Variants in TRIP12 observed in about 807,000 individuals in gnomAD.
TRIP12 encodes E3 ubiquitin-protein ligase TRIP12.
A neutral mutation model predicts 244.2 loss-of-function variants in TRIP12; 25 were observed. The observed-to-expected ratio is 0.10, with a 90% confidence interval of 0.07 to 0.14. The LOEUF (loss-of-function observed/expected upper bound fraction) is 0.14. Among genes scored for constraint, TRIP12 ranks in the 10% least tolerant of loss-of-function variants. The probability of loss-of-function intolerance (pLI) is 1.00; values close to 1 mark genes in which losing one functional copy is unlikely to be tolerated. For missense variants in TRIP12, 1,677 were observed against 2,486.4 expected (o/e 0.67, Z 6.92); for synonymous variants, 905 against 873.1 (o/e 1.04, Z -0.64).
chr2:229,811,048 T>C lies in TRIP12; in HGVS notation c.2056-3A>G. 6.2e-7 allele frequency: 1 copy of C among 1,613,808 alleles called. No homozygotes were observed. Among genetic ancestry groups the C allele is most frequent in the South Asian group, 1.1e-5 (1 of 90,994 alleles). On this transcript the variant is annotated splice_polypyrimidine_tract_variant and splice_region_variant and intron_variant, in intron 14 of 41. Transcript: ENST00000675903. Reference sequence around the variant, plus strand: ...GAAGCAACCTGCTGGAGTAAATTCTTCACAAACACAAGAATAAAGGAATTA... The same window carrying C: ...GAAGCAACCTGCTGGAGTAAATTCTCCACAAACACAAGAATAAAGGAATTA...
intron 13 of TRIP12, among the ~76,000 whole-genome samples, chr2:229,813,311 C>T (rs1357212293): frequency 1.3e-5 from 2 of 152,066 alleles, no homozygotes; most frequent in African/African-American, 4.8e-5. Flanking sequence ...ACAAAGCCAT[C>T]CCTTAAAAGT....
At chr2:229,803,837 T>C in intron 19 of TRIP12, 148 bp from the exon 20 acceptor site, 1 of 859,308 alleles carries the variant, frequency 1.2e-6, no homozygotes, top group Non-Finnish European at 1.8e-6. Context: ...AAGTTTTATA[T>C]TTTATAAAAG....
Position 229,808,326 on chromosome 2 carries a change from A to G in TRIP12, c.2265T>C (p.Asn755=). ...TLHFLLCGAS[N]GSCQEQIDLV... ...GATCAATCTGTTCCTGACAACTTCCATTGGAGGCACCACACAGGAGAAAGT... is the reference window on the plus strand; with the variant it reads ...GATCAATCTGTTCCTGACAACTTCCGTTGGAGGCACCACACAGGAGAAAGT... Residue 755 remains asparagine (N), a synonymous_variant, in exon 16 of 42, where the codon AAT becomes AAC. Transcript: ENST00000675903. The G allele has an allele frequency of 6.2e-7, 1 of 1,613,852 alleles. No individual in the cohort carries two copies. The highest frequency in any genetic ancestry group is 8.5e-7 in the Non-Finnish European group (1 of 1,180,018).
At chr2:229,910,501 C>T (rs763300496) in intron 1 of TRIP12, among the ~76,000 whole-genome samples, 5 of 152,088 alleles carry the variant, frequency 3.3e-5, no homozygotes, top group Non-Finnish European at 5.9e-5. Flanking sequence ...AACTGAGTAT[C>T]AATTAAAACA....
At chr2:229,787,396 T>C (rs944918703) in intron 33 of TRIP12, 109 bp downstream of exon 33, 6 of 1,157,444 alleles carry the variant, frequency 5.2e-6, no homozygotes, top group East Asian at 2.6e-5. Context: ...TAGCTGAATA[T>C]GACCAAGGCC....
rs201587871 is a variant in TRIP12, at chr2:229,859,235, A to C, written c.564T>G (p.Ser188Arg). ...AACTCTCTGTCCTTTTTCTTTTCTG[A>C]CTCCGTGAACCGCCAGTGGCCCCAC... is the stretch of plus-strand genomic sequence containing the variant. Reference protein sequence around the residue: ...RKSGATGGSRSQKRKRTESSC... With the variant: ...RKSGATGGSRRQKRKRTESSC... The change falls in exon 4 of 42, where the codon AGT (serine) becomes AGG (arginine). Residue 188 changes from serine (S) to arginine (R), a missense_variant. This residue lies in a region of TRIP12 where 387 missense variants were observed against 392.6 expected (regional missense o/e 0.99). Transcript: ENST00000675903. 6.2e-7 allele frequency: 1 copy of C among 1,613,450 alleles called. No homozygotes were observed. Among genetic ancestry groups the C allele is most frequent in the Non-Finnish European group, 8.5e-7 (1 of 1,179,920 alleles).
chr2:229,772,133 A>G (rs1473957028), intron 38 of TRIP12, among the ~76,000 whole-genome samples: 1 of 152,244 alleles, frequency 6.6e-6, no homozygotes, highest in Non-Finnish European at 1.5e-5. Context: ...CCTGGAAATG[A>G]AGTCACATGC....
At chr2:229,790,839 C>T (rs1187462837) in intron 30 of TRIP12, among the ~76,000 whole-genome samples, 1 of 152,108 alleles carries the variant, frequency 6.6e-6, no homozygotes, top group Admixed American at 6.5e-5. Flanking sequence ...CATGTTCTAC[C>T]AATGAAATTT....
At chr2:229,781,188 T>A (rs1265508425) in intron 34 of TRIP12, among the ~76,000 whole-genome samples, 1 of 152,198 alleles carries the variant, frequency 6.6e-6, no homozygotes, top group Admixed American at 6.5e-5. Flanking sequence ...CAGAGTAACC[T>A]GATCTCTTCA....
At chr2:229,858,374 A>G (rs2059968254) in intron 4 of TRIP12, among the ~76,000 whole-genome samples, 2 of 152,334 alleles carry the variant, frequency 1.3e-5, no homozygotes, top group East Asian at 1.9e-4. Context: ...AAAAACATAT[A>G]TATATTTGAT....
At position 229,764,406 on chromosome 2, in the gene TRIP12, T is replaced by G. The variant is rs2031184050; in HGVS notation, c.*3148A>C. On this transcript the variant is annotated 3_prime_UTR_variant, in exon 42 of 42. Transcript: ENST00000675903. ...ATGGATCAAAAAACAAAGCCTAAAATAAATGAAGGCTTGATCATTTTACTA... is the reference window on the plus strand; with the variant it reads ...ATGGATCAAAAAACAAAGCCTAAAAGAAATGAAGGCTTGATCATTTTACTA... 1 of 152,166 alleles carries G rather than the reference T, an allele frequency of 6.6e-6. No individual in the cohort carries two copies. Among genetic ancestry groups the G allele is most frequent in the South Asian group, 2.1e-4 (1 of 4,828 alleles). The allele number at this position is 152,166 out of a possible 1,614,324, so 9.4% of individuals were successfully genotyped here. A position where few individuals can be genotyped will look rare whatever the true frequency, so the allele number is the denominator to read the frequency against.
At chr2:229,827,711 T>C (rs1033871845) in intron 8 of TRIP12, among the ~76,000 whole-genome samples, 1 of 152,212 alleles carries the variant, frequency 6.6e-6, no homozygotes, top group African/African-American at 2.4e-5. Flanking sequence ...TCTTCTTTAG[T>C]ATATAGAAGG....
At chr2:229,831,533 A>G (rs1369494485) in intron 6 of TRIP12, among the ~76,000 whole-genome samples, 1 of 152,194 alleles carries the variant, frequency 6.6e-6, no homozygotes, top group Non-Finnish European at 1.5e-5. Flanking sequence ...GGCATGCCTG[A>G]GTCGAGAGCA....
At chr2:229,872,122 A>G (rs1306915611) in intron 2 of TRIP12, among the ~76,000 whole-genome samples, 2 of 149,832 alleles carry the variant, frequency 1.3e-5, no homozygotes, top group Non-Finnish European at 3.0e-5. Context: ...AAAAAAAAAA[A>G]AAAAAAAAAA....
chr2:229,910,121 TA>T (rs1243956094), intron 1 of TRIP12, among the ~76,000 whole-genome samples: 3 of 152,344 alleles, frequency 2.0e-5, no homozygotes, highest in Admixed American at 6.5e-5. Flanking sequence ...GTTGTTTTAC[TA>T]AGTCCTTGAT....
At chr2:229,796,990 A>T (rs2042976803) in intron 24 of TRIP12, among the ~76,000 whole-genome samples, 1 of 152,130 alleles carries the variant, frequency 6.6e-6, no homozygotes, top group Admixed American at 6.6e-5. Context: ...AAAACCAGGA[A>T]TCCATAATAA....
At chr2:229,890,899 CA>C (rs2067188960) in intron 1 of TRIP12, among the ~76,000 whole-genome samples, 1 of 152,148 alleles carries the variant, frequency 6.6e-6, no homozygotes, top group Non-Finnish European at 1.5e-5. Context: ...AGAGAAAATT[CA>C]GAGCTGTATT....
chr2:229,859,490 C>T lies in TRIP12; in HGVS notation c.309G>A (p.Gly103=). The change falls in exon 4 of 42, where the codon GGG becomes GGA. Residue 103 remains glycine, a synonymous_variant. Coordinates refer to ENST00000675903, the MANE Select transcript of TRIP12 (RefSeq NM_001348323.3). ...RANTSERQKT[G]QVPKKDNSRG... is the part of the protein sequence containing the mutation. ...GAGAATTGTCTTTCTTAGGCACCTG[C>T]CCCGTTTTTTGTCTTTCTGAAGTAT... 2 of 1,614,134 alleles carry T rather than the reference C, an allele frequency of 1.2e-6. No individual in the cohort carries two copies. The highest frequency in any genetic ancestry group is 1.7e-6 in the Non-Finnish European group (2 of 1,180,042).
chr2:229,882,235 C>G (rs2065032815), intron 1 of TRIP12, among the ~76,000 whole-genome samples: 1 of 152,058 alleles, frequency 6.6e-6, no homozygotes, highest in African/African-American at 2.4e-5. Flanking sequence ...ATTATTATTA[C>G]TATAAACATT....
Sources: allele counts gnomAD v4.1 joint callset (sites outside exome capture counted in the v4.1 genomes callset), GRCh38; gene constraint gnomAD v4.1.1; regional missense constraint gnomAD v4.1.1; transcripts MANE v1.5; gene names NCBI Gene and HGNC (gene_info 2026-07-23, HGNC 2026-07-21).